PTPRN2: variants seen among roughly 807,000 people sequenced by gnomAD.
PTPRN2 encodes receptor-type tyrosine-protein phosphatase N2.
PTPRN2 carries 74 observed loss-of-function variants against 118.8 expected under a neutral mutation model. That is an observed-to-expected ratio of 0.62 (90% CI 0.52 to 0.76). PTPRN2 has a LOEUF of 0.76. Ranked by LOEUF, PTPRN2 falls within the 30% of genes least tolerant of loss-of-function variation. The probability of loss-of-function intolerance (pLI) is 0.00; values close to 1 mark genes in which losing one functional copy is unlikely to be tolerated. For synonymous variants in PTPRN2, 641 were observed against 608.0 expected (o/e 1.05, Z -0.80); for missense variants, 1,481 against 1,394.4 (o/e 1.06, Z -0.99).
chr7:157,940,886 A>G (rs1405905496), intron 11 of PTPRN2, among the ~76,000 whole-genome samples: 1 of 3,048 alleles, frequency 3.3e-4, no homozygotes. Flanking sequence ...ACGCCCCCCC[A>G]TGACACTGCA....
chr7:158,368,328 C>T (rs748770335), intron 2 of PTPRN2, among the ~76,000 whole-genome samples: 3 of 152,192 alleles, frequency 2.0e-5, no homozygotes, highest in Non-Finnish European at 4.4e-5. Flanking sequence ...GTGTTGACTT[C>T]AGAGAAGCAA....
At chr7:157,545,181 TTGTGGGTGTC>T (rs1369597478) in intron 22 of PTPRN2, among the ~76,000 whole-genome samples, 4 of 136,000 alleles carry the variant, frequency 2.9e-5, no homozygotes, top group Non-Finnish European at 3.1e-5. Context: ...TGAGTGGTGT[TTGTGGGTGTC>T]TGTGGGTGTG....
At chr7:158,340,486 T>A (rs62481710) in intron 2 of PTPRN2, among the ~76,000 whole-genome samples, 1 of 46,534 alleles carries the variant, frequency 2.1e-5, no homozygotes, top group Non-Finnish European at 4.6e-5. Context: ...CTCACCATAA[T>A]AGGTGACACC....
chr7:157,867,453 G>A (rs1400031137), intron 12 of PTPRN2, among the ~76,000 whole-genome samples: 2 of 124,114 alleles, frequency 1.6e-5, no homozygotes, highest in African/African-American at 3.3e-5. Context: ...CGCCCCTGAC[G>A]CTCTGGATAC....
At chr7:157,967,879 A>G (rs1214812744) in intron 11 of PTPRN2, among the ~76,000 whole-genome samples, 1 of 152,236 alleles carries the variant, frequency 6.6e-6, no homozygotes, top group East Asian at 1.9e-4. Flanking sequence ...ACACAAGTCC[A>G]TGGAGGTCCA....
intron 5 of PTPRN2, among the ~76,000 whole-genome samples, chr7:158,186,110 T>G (rs1223785311): frequency 6.6e-6 from 1 of 152,180 alleles, no homozygotes; most frequent in Non-Finnish European, 1.5e-5. Flanking sequence ...GCACAGCCTG[T>G]CTCTCAAATC....
At chr7:158,256,353 G>A (rs569006851) in intron 3 of PTPRN2, among the ~76,000 whole-genome samples, 6 of 152,202 alleles carry the variant, frequency 3.9e-5, no homozygotes, top group South Asian at 2.1e-4. Context: ...AGAGGGCACC[G>A]AGGCTTCTCC....
chr7:158,146,732 A>C (rs571076000), intron 6 of PTPRN2, among the ~76,000 whole-genome samples: 14 of 151,668 alleles, frequency 9.2e-5, no homozygotes, highest in African/African-American at 3.4e-4. Context: ...AAAAAAAAAA[A>C]AAAGAAAGAA....
chr7:158,458,070 A>G (rs535522933), intron 2 of PTPRN2, among the ~76,000 whole-genome samples: 48 of 152,318 alleles, frequency 3.2e-4, no homozygotes, highest in Middle Eastern at 6.8e-3. Flanking sequence ...TGGGCACTTC[A>G]CAGCTCTGCA....
At chr7:158,216,064 A>G (rs146317441) in intron 3 of PTPRN2, among the ~76,000 whole-genome samples, 47 of 152,290 alleles carry the variant, frequency 3.1e-4, no homozygotes, top group Middle Eastern at 3.4e-3. Context: ...AAATATTTAA[A>G]CAATTATAAT....
chr7:157,836,198 C>A (rs1159697637), intron 12 of PTPRN2, among the ~76,000 whole-genome samples: 2 of 152,170 alleles, frequency 1.3e-5, no homozygotes, highest in African/African-American at 4.8e-5. Flanking sequence ...CTATCGTTTG[C>A]CCTAAATAAT....
intron 12 of PTPRN2, among the ~76,000 whole-genome samples, chr7:157,823,827 A>G (rs1414066930): frequency 2.0e-5 from 3 of 152,190 alleles, no homozygotes; most frequent in Non-Finnish European, 4.4e-5. Flanking sequence ...CTAAGCATGA[A>G]AATTTTGCTC....
At chr7:158,323,648 T>G (rs1054996577) in intron 2 of PTPRN2, among the ~76,000 whole-genome samples, 1 of 152,230 alleles carries the variant, frequency 6.6e-6, no homozygotes, top group South Asian at 2.1e-4. Flanking sequence ...AGCTCATTTA[T>G]CTTGGTAATT....
chr7:158,580,573 G>C (rs1207070964), intron 1 of PTPRN2, among the ~76,000 whole-genome samples: 1 of 152,172 alleles, frequency 6.6e-6, no homozygotes, highest in Non-Finnish European at 1.5e-5. Flanking sequence ...GTTCAGAAAA[G>C]AGTAGGGAGT....
At chr7:157,962,344 T>A (rs1434693899) in intron 11 of PTPRN2, among the ~76,000 whole-genome samples, 2 of 151,932 alleles carry the variant, frequency 1.3e-5, no homozygotes, top group African/African-American at 4.8e-5. Flanking sequence ...AGCGGGAGCG[T>A]TATTCCCCCA....
intron 6 of PTPRN2, among the ~76,000 whole-genome samples, chr7:158,155,543 A>G (rs1821661680): frequency 1.5e-5 from 2 of 135,478 alleles, no homozygotes; most frequent in Non-Finnish European, 3.2e-5. Context: ...CACTATCATC[A>G]CCATCAACAC....
intron 11 of PTPRN2, among the ~76,000 whole-genome samples, chr7:157,985,018 C>T (rs1803665353): frequency 6.6e-6 from 1 of 152,180 alleles, no homozygotes; most frequent in South Asian, 2.1e-4. Context: ...ATCCCACCTG[C>T]AGGTGGTGGT....
chr7:158,171,292 CACATATATAT>C (rs1335026570), intron 5 of PTPRN2, among the ~76,000 whole-genome samples: 2 of 74,900 alleles, frequency 2.7e-5, no homozygotes, highest in African/African-American at 1.3e-4. Context: ...TATATATACA[CACATATATAT>C]ACACACATAT....
At chr7:158,423,284 G>A (rs1363876080) in intron 2 of PTPRN2, among the ~76,000 whole-genome samples, 1 of 152,242 alleles carries the variant, frequency 6.6e-6, no homozygotes. Context: ...GAGCAGCACG[G>A]CAGTGAAGGA....
Sources: allele counts gnomAD v4.1 joint callset (sites outside exome capture counted in the v4.1 genomes callset), GRCh38; gene constraint gnomAD v4.1.1; transcripts MANE v1.5; gene names NCBI Gene and HGNC (gene_info 2026-07-23, HGNC 2026-07-21).